NOTCH4: variants seen among roughly 807,000 people sequenced by gnomAD.
The protein encoded by NOTCH4 is notch receptor 4.
In NOTCH4, 138 loss-of-function variants were observed where a neutral mutation model predicts 189.0. The observed-to-expected ratio is 0.73, with a 90% confidence interval of 0.64 to 0.84. The LOEUF (loss-of-function observed/expected upper bound fraction) is 0.84. NOTCH4 is among the 40% of genes least tolerant of loss of function. NOTCH4 has a pLI of 0.00. For missense variants in NOTCH4, 2,286 were observed against 2,605.4 expected (o/e 0.88, Z 2.67); for synonymous variants, 942 against 1,032.8 (o/e 0.91, Z 1.69).
In NOTCH4 at chr6:32,195,777, C is replaced by T. The variant is rs576082075; in HGVS notation, c.5672G>A (p.Gly1891Asp). The T allele has an allele frequency of 2.5e-6, 4 of 1,607,172 alleles. No individual in the cohort carries two copies. The highest frequency in any genetic ancestry group is 2.2e-5 in the South Asian group (2 of 90,940). The change falls in exon 30 of 30, where the codon GGC (glycine) becomes GAC (aspartate). Residue 1891 changes from glycine to aspartate, a missense_variant. Transcript: ENST00000375023. The surrounding 1 kb of genome is among the most constrained non-coding windows in gnomAD (Gnocchi z 5.4). ...TWSVDLAARG[G>D]GAYSHCRSLS... ...GCTCCGGCAATGAGAATAGGCCCCG[C>T]CCCCCCGCGCAGCCAAGTCTACGGA...
In NOTCH4 at chr6:32,202,427, C is replaced by T; in HGVS notation, c.3404G>A (p.Gly1135Asp). 6.2e-7 allele frequency: 1 copy of T among 1,612,050 alleles called. No homozygotes were observed. The highest frequency in any genetic ancestry group is 8.5e-7 in the Non-Finnish European group (1 of 1,179,602). The change falls in exon 21 of 30, where the codon GGC (glycine) becomes GAC (aspartate). Residue 1135 changes from glycine to aspartate, a missense_variant. Transcript: ENST00000375023. This position sits in a 1 kb window ranked among gnomAD's most constrained non-coding sequence, Gnocchi z 5.7. ...CLTPPAPKGC[G>D]PPSPCLYNGS... ...ATTGTATAGGCATGGGGAGGGAGGG[C>T]CACAGCCTTTAGGAGCTGGTGGGGT...
At chr6:32,208,310 A>G (rs553788005) in intron 18 of NOTCH4, among the ~76,000 whole-genome samples, 1 of 152,332 alleles carries the variant, frequency 6.6e-6, no homozygotes, top group South Asian at 2.1e-4. Context: ...AAAATGAGCA[A>G]ATTATCTGAA....
At position 32,199,804 on chromosome 6, in the gene NOTCH4, C is replaced by A. The variant is rs1255715970; in HGVS notation, c.4316-659G>T. ...TCTGAAGCAAGAGAATTGCTTAAAC[C>A]CAGGAGGCAGAGGTTGCAGTGAGCT... On this transcript the variant is annotated intron_variant, in intron 23 of 29. Coordinates refer to ENST00000375023, the MANE Select transcript of NOTCH4 (RefSeq NM_004557.4). This position sits in a 1 kb window ranked among gnomAD's most constrained non-coding sequence, Gnocchi z 4.9. Among the ~76,000 whole-genome samples the A allele has an allele frequency of 6.6e-6, 1 of 152,084 alleles. No individual in the cohort carries two copies. The highest frequency in any genetic ancestry group is 6.6e-5 in the Admixed American group (1 of 15,262).
In NOTCH4 at chr6:32,214,215, A is replaced by G. The variant is rs1194569161; in HGVS notation, c.2062T>C (p.Cys688Arg). The G allele has an allele frequency of 5.6e-6, 9 of 1,613,044 alleles. No homozygotes were observed. Among genetic ancestry groups the G allele is most frequent in the Non-Finnish European group, 6.8e-6 (8 of 1,179,692 alleles). ...VCDVGWTGPECEAELGGCISA... is the reference protein window; with the variant it reads ...VCDVGWTGPEREAELGGCISA... ...ATGCAGCCCCCTAGCTCTGCCTCAC[A>G]CTCTGGCCCCGTCCAACCCACGTCA... is the stretch of plus-strand genomic sequence containing the variant. Residue 688 changes from cysteine to arginine, a missense_variant, in exon 13 of 30, where the codon TGT becomes CGT. Around this residue, in one of 2 missense-constraint regions of NOTCH4, gnomAD observed 1,903 missense variants for 2,261.9 expected, o/e 0.84. Transcript: ENST00000375023.
rs1359466363 is a variant in NOTCH4, at chr6:32,220,232, A to C, written c.1212T>G (p.Asp404Glu). 2.9e-5 allele frequency: 47 copies of C among 1,613,632 alleles called. No homozygotes were observed. Among genetic ancestry groups the C allele is most frequent in the Non-Finnish European group, 3.9e-5 (46 of 1,179,896 alleles). The change falls in exon 7 of 30, where the codon GAT (aspartate) becomes GAG (glutamate). Residue 404 changes from aspartate (D) to glutamate (E), a missense_variant. Transcript: ENST00000375023. ...DMCLSQPCHG[D>E]AQCSTNPLTG... ...TGAGGGGGTTGGTGCTGCATTGGGC[A>C]TCCCCATGGCACGGCTGGCTCAGAC... is the stretch of plus-strand genomic sequence containing the variant.
rs189514178 is a variant in NOTCH4, at chr6:32,217,671, G to A, written c.1624+324C>T. On this transcript the variant is annotated intron_variant, in intron 9 of 29. Transcript: ENST00000375023. The surrounding 1 kb of genome is among the most constrained non-coding windows in gnomAD (Gnocchi z 4.2). ...GTGTCCGGTGAGGCTGGAGAAGAAA[G>A]GCTTGGGGCAGCTTTTGCTGGGTTT... Among the ~76,000 whole-genome samples the A allele has an allele frequency of 5.9e-5, 9 of 152,284 alleles. No homozygotes were observed. The East Asian group carries it at 1.7e-3, about 29-fold the overall frequency.
Position 32,196,938 on chromosome 6 carries a change from G to A in NOTCH4, c.5187C>T (p.Ala1729=). 3.7e-6 allele frequency: 6 copies of A among 1,612,758 alleles called. No individual in the cohort carries two copies. Among genetic ancestry groups the A allele is most frequent in the Non-Finnish European group, 5.1e-6 (6 of 1,179,982 alleles). ...ELIAAQADVG[A]RDKWGKTALH... ...TCCTCTACATACCCCATTTATCTCT[G>A]GCCCCCACGTCTGCTTGGGCTGCAA... is the stretch of plus-strand genomic sequence containing the variant. Residue 1729 remains alanine, a synonymous_variant, in exon 28 of 30, where the codon GCC becomes GCT. Coordinates refer to ENST00000375023, the MANE Select transcript of NOTCH4 (RefSeq NM_004557.4).
At position 32,202,403 on chromosome 6, in the gene NOTCH4, T is replaced by C. The variant is rs1788411491; in HGVS notation, c.3428A>G (p.Asn1143Ser). 6.2e-7 allele frequency: 1 copy of C among 1,612,482 alleles called. No homozygotes were observed. The highest frequency in any genetic ancestry group is 8.5e-7 in the Non-Finnish European group (1 of 1,179,790). ...GCGPPSPCLY[N>S]GSCSETTGLG... ...GCCCGTGGTCTCTGAGCAGCTGCCA[T>C]TGTATAGGCATGGGGAGGGAGGGCC... Residue 1143 changes from asparagine (N) to serine (S), a missense_variant, in exon 21 of 30, where the codon AAT becomes AGT. Physicochemically the swap from Asn to Ser is conservative, Grantham distance 46 (BLOSUM62 1). Transcript: ENST00000375023. This position sits in a 1 kb window ranked among gnomAD's most constrained non-coding sequence, Gnocchi z 5.7.
rs1787894422 is a variant in NOTCH4, at chr6:32,196,117, C to T, written c.5332G>A (p.Gly1778Arg). Residue 1778 changes from glycine (G) to arginine (R), a missense_variant, in exon 30 of 30, where the codon GGA becomes AGA. Coordinates refer to ENST00000375023, the MANE Select transcript of NOTCH4 (RefSeq NM_004557.4). ...QTPLFLAARE[G>R]AVEVAQLLLG... ...AGTAGCTGGGCTACTTCCACCGCTC[C>T]TTCCCGCGCCGCCAGGAATAGCGGC... 4 of 1,589,818 alleles carry T rather than the reference C, an allele frequency of 2.5e-6. No individual in the cohort carries two copies. Among genetic ancestry groups the T allele is most frequent in the Non-Finnish European group, 3.4e-6 (4 of 1,175,170 alleles).
chr6:32,217,316 G>A lies in NOTCH4; in HGVS notation c.1625-50C>T, dbSNP rs1228427683. 8.5e-7 allele frequency: 1 copy of A among 1,170,966 alleles called. No homozygotes were observed. The highest frequency in any genetic ancestry group is 1.2e-5 in the South Asian group (1 of 80,028). The allele number at this position is 1,170,966 out of a possible 1,614,324, so 72.5% of individuals were successfully genotyped here. ...AGAGGAGGCCAAGGTCATCGAGGGA[G>A]GCACAGCATGGCGCCTTCCCTTGCC... On this transcript the variant is annotated intron_variant, in intron 9 of 29. Coordinates refer to ENST00000375023, the MANE Select transcript of NOTCH4 (RefSeq NM_004557.4). This position sits in a 1 kb window ranked among gnomAD's most constrained non-coding sequence, Gnocchi z 4.2.
Position 32,214,152 on chromosome 6 carries a change from G to A in NOTCH4, c.2125C>T (p.Gln709Ter), listed in dbSNP as rs1789219325. The change falls in exon 13 of 30, where the codon CAG becomes TAG. Residue 709 changes from glutamine (Q) to a stop codon, truncating the protein, a stop_gained. Coordinates refer to ENST00000375023, the MANE Select transcript of NOTCH4 (RefSeq NM_004557.4). LOFTEE classifies it high-confidence loss of function. ...CAGGTGCAGTTGTAGCCAGAGGGCTGGGGGTAGCAGGTCCCCCCATGGGCA... is the reference window on the plus strand; with the variant it reads ...CAGGTGCAGTTGTAGCCAGAGGGCTAGGGGTAGCAGGTCCCCCCATGGGCA... Reference protein sequence around the residue: ...PCAHGGTCYPQPSGYNCTCPT... With the variant: ...PCAHGGTCYP The A allele has an allele frequency of 1.2e-6, 2 of 1,613,428 alleles. No individual in the cohort carries two copies. Among genetic ancestry groups the A allele is most frequent in the East Asian group, 2.2e-5 (1 of 44,856 alleles).
At chr6:32,211,857 A>T (rs1789044294) in intron 17 of NOTCH4, among the ~76,000 whole-genome samples, 1 of 152,194 alleles carries the variant, frequency 6.6e-6, no homozygotes, top group Non-Finnish European at 1.5e-5. Flanking sequence ...GCTTATCATA[A>T]TGTTAAAGCA....
At chr6:32,218,218 CGAGGT>C in intron 8 of NOTCH4, 110 bp from the exon 9 acceptor site, 2 of 705,074 alleles carry the variant, frequency 2.8e-6, no homozygotes, top group East Asian at 5.4e-5. Flanking sequence ...GGTCCTCCCC[CGAGGT>C]GCTGTCTGCA....
Position 32,199,006 on chromosome 6 carries a change from A to G in NOTCH4, c.4455T>C (p.Pro1485=). Residue 1485 remains proline, a synonymous_variant, in exon 24 of 30, where the codon CCT becomes CCC. Coordinates refer to ENST00000375023, the MANE Select transcript of NOTCH4 (RefSeq NM_004557.4). The surrounding 1 kb of genome is among the most constrained non-coding windows in gnomAD (Gnocchi z 4.9). ...RREHGALWLP[P]GFTRRPRTQS... ...GAGTCCGAGGCCGTCGAGTGAAACC[A>G]GGGGGCAGCCAGAGAGCTCCATGCT... 1.2e-6 allele frequency: 2 copies of G among 1,612,246 alleles called. No individual in the cohort carries two copies. The highest frequency in any genetic ancestry group is 2.2e-5 in the South Asian group (2 of 90,982).
rs571328286 is a variant in NOTCH4 at position 32,205,749 on chromosome 6, C to T, written c.2866-1360G>A. ...TTCTATCAAAAGTTGTGGTTCTGGC[C>T]GGGCACGGTGGCTCACGCCTGTAAT... On this transcript the variant is annotated intron_variant, in intron 18 of 29. Transcript: ENST00000375023. 7.9e-5 allele frequency among the ~76,000 whole-genome samples: 12 copies of T among 151,774 alleles called. No individual in the cohort carries two copies. The East Asian group carries it at 1.2e-3, about 15-fold the overall frequency.
intron 12 of NOTCH4, among the ~76,000 whole-genome samples, chr6:32,214,868 C>T (rs768014404): frequency 3.3e-5 from 5 of 152,158 alleles, no homozygotes; most frequent in Non-Finnish European, 7.4e-5. Context: ...TCAGGTGATC[C>T]GCCCACCTCG....
chr6:32,213,291 T>C lies in NOTCH4; in HGVS notation c.2321-39A>G, dbSNP rs540713713. 1.6e-4 allele frequency: 231 copies of C among 1,441,598 alleles called. 2 individuals are homozygous for C. The South Asian group carries it at 2.7e-3, about 17-fold the overall frequency. The allele number at this position is 1,441,598 out of a possible 1,614,324, so 89.3% of individuals were successfully genotyped here. ...GCTGTGAGGGTTTGGGTTCCTTGCC[T>C]GTAACCTGGCCTGTGACCTCAGTCA... On this transcript the variant is annotated intron_variant, in intron 14 of 29. Coordinates refer to ENST00000375023, the MANE Select transcript of NOTCH4 (RefSeq NM_004557.4).
chr6:32,204,546 A>G lies in NOTCH4; in HGVS notation c.2866-157T>C, dbSNP rs183783180. ...CATGGCCATGTGTCACAATCCTTCTATCTCAACTCCCCATGAGACACAATT... is the reference window on the plus strand; with the variant it reads ...CATGGCCATGTGTCACAATCCTTCTGTCTCAACTCCCCATGAGACACAATT... On this transcript the variant is annotated intron_variant, in intron 18 of 29. Coordinates refer to ENST00000375023, the MANE Select transcript of NOTCH4 (RefSeq NM_004557.4). Among the ~76,000 whole-genome samples, 10 of 152,234 alleles carry G rather than the reference A, an allele frequency of 6.6e-5. No homozygotes were observed. The East Asian group carries it at 1.4e-3, about 21-fold the overall frequency.
In NOTCH4 at chr6:32,201,796, C is replaced by G; in HGVS notation, c.3755+280G>C. Reference sequence around the variant, plus strand: ...GAGGTGCTGACTGCTAGGGGAAATACTCCATGGCAGCAAGGCTTAGGGAAG... The same window carrying G: ...GAGGTGCTGACTGCTAGGGGAAATAGTCCATGGCAGCAAGGCTTAGGGAAG... On this transcript the variant is annotated intron_variant, in intron 21 of 29. Coordinates refer to ENST00000375023, the MANE Select transcript of NOTCH4 (RefSeq NM_004557.4). This position sits in a 1 kb window ranked among gnomAD's most constrained non-coding sequence, Gnocchi z 5.5. 1 of 413,722 alleles carries G rather than the reference C, an allele frequency of 2.4e-6. No homozygotes were observed. Among genetic ancestry groups the G allele is most frequent in the Non-Finnish European group, 4.2e-6 (1 of 237,502 alleles). 25.6% of individuals were successfully genotyped at this position (413,722 alleles called of 1,614,324 possible). A position where few individuals can be genotyped will look rare whatever the true frequency, so the allele number is the denominator to read the frequency against.
Sources: gnomAD v4.1 joint callset for allele counts (sites outside exome capture counted in the v4.1 genomes callset) on GRCh38, gnomAD v4.1.1 for gene constraint, gnomAD v4.1.1 regional missense constraint, Gnocchi (gnomAD v3.1) non-coding constraint, MANE v1.5 for transcripts, NCBI Gene and HGNC (gene_info 2026-07-23, HGNC 2026-07-21) for gene names.